The following CUX1 variants were observed in gnomAD, a reference collection of about 807,000 sequenced individuals.
CUX1 encodes protein CASP.
In CUX1, 31 loss-of-function variants were observed where a neutral mutation model predicts 158.8. That is an observed-to-expected ratio of 0.20 (90% CI 0.15 to 0.26). The LOEUF is 0.26. Ranked by LOEUF, CUX1 falls within the 10% of genes least tolerant of loss-of-function variation. The probability of loss-of-function intolerance (pLI) is 1.00; values close to 1 mark genes in which losing one functional copy is unlikely to be tolerated. For missense variants in CUX1, 1,589 were observed against 2,014.6 expected (o/e 0.79, Z 4.04); for synonymous variants, 879 against 862.1 (o/e 1.02, Z -0.34).
intron 2 of CUX1, among the ~76,000 whole-genome samples, chr7:101,984,432 C>A (rs1327929793): frequency 6.8e-6 from 1 of 147,290 alleles, no homozygotes; most frequent in African/African-American, 2.5e-5. Flanking sequence ...ACACAAAGGA[C>A]GGTGTAAATA....
chr7:101,975,334 G>T (rs1812527974), intron 2 of CUX1, among the ~76,000 whole-genome samples: 2 of 152,098 alleles, frequency 1.3e-5, no homozygotes, highest in Non-Finnish European at 2.9e-5. Flanking sequence ...TAAGGCAGGA[G>T]GAGCTTGAGA....
At chr7:102,192,106 G>A (rs1490561982) in intron 12 of CUX1, among the ~76,000 whole-genome samples, 3 of 152,178 alleles carry the variant, frequency 2.0e-5, no homozygotes, top group African/African-American at 7.2e-5. Context: ...TGAACCAGCT[G>A]TGCTCTTGAG....
At chr7:102,275,693 A>T (rs1439560756) in intron 17 of CUX1, among the ~76,000 whole-genome samples, 1 of 152,122 alleles carries the variant, frequency 6.6e-6, no homozygotes, top group Non-Finnish European at 1.5e-5. Flanking sequence ...GGAAGGATTT[A>T]AGCCAGGCAG....
intron 7 of CUX1, among the ~76,000 whole-genome samples, chr7:102,112,896 A>AT (rs1215809312): frequency 6.6e-6 from 1 of 151,842 alleles, no homozygotes; most frequent in South Asian, 2.1e-4. Context: ...AATTTTTATT[A>AT]TTTTTTTTGA....
intron 18 of CUX1, among the ~76,000 whole-genome samples, chr7:102,203,323 GCAGGGGA>G (rs1188907531): frequency 6.6e-6 from 1 of 152,146 alleles, no homozygotes; most frequent in Admixed American, 6.5e-5. Flanking sequence ...GGCTGGATCA[GCAGGGGA>G]CAAATCCCAC....
chr7:102,065,710 G>A (rs536728752), intron 3 of CUX1, among the ~76,000 whole-genome samples: 130 of 152,176 alleles, frequency 8.5e-4, no homozygotes, highest in Non-Finnish European at 1.2e-3. Context: ...CTGTGATACA[G>A]CTCTGATGAG....
intron 14 of CUX1, among the ~76,000 whole-genome samples, chr7:102,195,853 G>A (rs1232230687): frequency 2.0e-5 from 3 of 152,212 alleles, no homozygotes; most frequent in African/African-American, 7.2e-5. Flanking sequence ...GTTAGGGGCA[G>A]TGCGGCTGGA....
chr7:102,027,106 C>T (rs566759307), intron 2 of CUX1, among the ~76,000 whole-genome samples: 14 of 152,176 alleles, frequency 9.2e-5, no homozygotes, highest in African/African-American at 2.6e-4. Context: ...CAGCTAGGGC[C>T]GGCCATGGTG....
At chr7:102,127,681 C>T (rs1253724474) in intron 8 of CUX1, among the ~76,000 whole-genome samples, 1 of 152,106 alleles carries the variant, frequency 6.6e-6, no homozygotes, top group Non-Finnish European at 1.5e-5. Flanking sequence ...CGTAGGTGAG[C>T]CCTAAGACTT....
exon 23 of CUX1, chr7:102,283,428 C>G: frequency 3.0e-6 from 1 of 329,926 alleles, no homozygotes; most frequent in South Asian, 4.1e-5. Context: ...GGGTGACCAC[C>G]GATTCCAGCT....
chr7:102,275,631 C>T (rs1434901705), intron 17 of CUX1, among the ~76,000 whole-genome samples: 1 of 152,144 alleles, frequency 6.6e-6, no homozygotes, highest in Non-Finnish European at 1.5e-5. Flanking sequence ...AGGCAAGTGC[C>T]CTCTTGCCAG....
chr7:102,060,676 G>A lies in CUX1; in HGVS notation c.190-9663G>A, dbSNP rs565259198. The stretch of plus-strand genomic sequence containing the variant: ...GCCCAGTCCTGGAGTGCAGTGGCAT[G>A]GTCTTGGGTCACTGCAACCTCCACC... On this transcript the variant is annotated intron_variant, in intron 3 of 23. Coordinates refer to ENST00000292535, the MANE Select transcript of CUX1 (RefSeq NM_181552.4). Among the ~76,000 whole-genome samples, 38 of 149,378 alleles carry A rather than the reference G, an allele frequency of 2.5e-4. 1 individual carries two copies. Among genetic ancestry groups the A allele is most frequent in the Admixed American group, 2.3e-3 (34 of 14,868 alleles).
chr7:101,848,824 C>G (rs1302547911), intron 1 of CUX1, among the ~76,000 whole-genome samples: 1 of 148,718 alleles, frequency 6.7e-6, no homozygotes, highest in Non-Finnish European at 1.5e-5. Flanking sequence ...CCAGCCTGGG[C>G]AACATAGCAA....
rs544213310 is a variant in CUX1 at position 102,254,259 on chromosome 7, A to G, written c.*5217A>G. 4 of 985,382 alleles carry G rather than the reference A, an allele frequency of 4.1e-6. No homozygotes were observed. In the African/African-American group the frequency reaches 7.0e-5, roughly 17 times the overall value. 61.0% of individuals were successfully genotyped at this position (985,382 alleles called of 1,614,324 possible). On this transcript the variant is annotated 3_prime_UTR_variant, in exon 24 of 24. Coordinates refer to ENST00000292535, the MANE Select transcript of CUX1 (RefSeq NM_181552.4). ...TCTGTCCAGTCCTGCTCAGCTGTTA[A>G]GATCCATCATGGCCATTATCCTTGT...
intron 9 of CUX1, among the ~76,000 whole-genome samples, chr7:102,160,224 A>C (rs1457436445): frequency 1.3e-5 from 2 of 151,374 alleles, no homozygotes; most frequent in Admixed American, 1.3e-4. Context: ...TTCATCATAG[A>C]TCACTATTCC....
Position 102,277,955 on chromosome 7 carries a change from C to T in CUX1, c.1570C>T (p.Arg524Cys), listed in dbSNP as rs1288866751. The change falls in exon 18 of 23, where the codon CGC becomes TGC. Residue 524 changes from arginine to cysteine, a missense_variant. By Grantham distance (180) the Arg-to-Cys change is radical. Coordinates refer to the CUX1 transcript ENST00000292538. ...CTTGCCCCTCCCCCCCCAGGAGAAC[C>T]GCCTGGCCCAGCACACCCTCCAGGC... The T allele has an allele frequency of 8.6e-6, 13 of 1,513,708 alleles. No homozygotes were observed. The highest frequency in any genetic ancestry group is 2.5e-5 in the South Asian group (2 of 79,830). 93.8% of individuals were successfully genotyped at this position (1,513,708 alleles called of 1,614,324 possible).
At chr7:101,983,799 A>G (rs1361645770) in intron 2 of CUX1, among the ~76,000 whole-genome samples, 2 of 152,036 alleles carry the variant, frequency 1.3e-5, no homozygotes, top group East Asian at 1.9e-4. Flanking sequence ...TTCATGAGCA[A>G]TCTGCCCTCA....
chr7:101,958,182 C>T (rs1809997445), intron 2 of CUX1, among the ~76,000 whole-genome samples: 1 of 152,168 alleles, frequency 6.6e-6, no homozygotes, highest in South Asian at 2.1e-4. Context: ...AGCCCCCCTC[C>T]TTCTAGAACC....
At chr7:101,979,949 C>T (rs965044876) in intron 2 of CUX1, among the ~76,000 whole-genome samples, 9 of 152,158 alleles carry the variant, frequency 5.9e-5, no homozygotes, top group African/African-American at 2.2e-4. Flanking sequence ...CCACCGTGTC[C>T]GGCTGGGTGT....
Sources: allele counts gnomAD v4.1 joint callset (sites outside exome capture counted in the v4.1 genomes callset), GRCh38; gene constraint gnomAD v4.1.1; transcripts MANE v1.5; gene names NCBI Gene and HGNC (gene_info 2026-07-23, HGNC 2026-07-21).